The following COMMD10 variants were observed in gnomAD, a reference collection of about 807,000 sequenced individuals.
COMMD10 encodes COMM domain containing 10, also known as COMM domain-containing protein 10.
A neutral mutation model predicts 28.9 loss-of-function variants in COMMD10; 33 were observed. The observed-to-expected ratio is 1.14, with a 90% CI of 0.87 to 1.53. The LOEUF (loss-of-function observed/expected upper bound fraction) is 1.53, where lower values mean the gene tolerates loss of function less well. COMMD10 is among the 40% of genes most tolerant of loss of function. COMMD10 has a pLI of 0.00. For synonymous variants in COMMD10, 110 were observed against 81.7 expected, an observed-to-expected ratio of 1.35 and a Z score of -1.87; for missense variants, 310 against 233.4, an observed-to-expected ratio of 1.33 and a Z score of -2.14.
At chr5:116,288,150 C>T (rs1751268953) in intron 5 of COMMD10, among the ~76,000 whole-genome samples, 1 of 151,704 alleles carries the variant, frequency 6.6e-6, no homozygotes, top group African/African-American at 2.4e-5. Context: ...TTTTCTTTAT[C>T]TGGGAAAATG....
intron 4 of COMMD10, among the ~76,000 whole-genome samples, chr5:116,097,258 A>G (rs1750499014): frequency 6.6e-6 from 1 of 152,208 alleles, no homozygotes; most frequent in South Asian, 2.1e-4. Context: ...ATATCATAGG[A>G]TTGCTAATAT....
At chr5:116,158,681 T>C (rs968299580) in intron 5 of COMMD10, among the ~76,000 whole-genome samples, 3 of 152,016 alleles carry the variant, frequency 2.0e-5, no homozygotes, top group African/African-American at 7.2e-5. Context: ...TTATGTTTTC[T>C]TAAGTGTTTT....
At chr5:116,246,538 T>C (rs1749956111) in intron 5 of COMMD10, among the ~76,000 whole-genome samples, 1 of 151,780 alleles carries the variant, frequency 6.6e-6, no homozygotes, top group African/African-American at 2.4e-5. Context: ...CAAAGCAATT[T>C]TAAGCAAAAA....
intron 5 of COMMD10, 113 bp downstream of exon 5, chr5:116,134,291 C>G (rs1489672769): frequency 1.6e-6 from 1 of 619,400 alleles, no homozygotes; most frequent in Non-Finnish European, 2.9e-6. Context: ...TTCAGTTAAA[C>G]AGTTATTAAT....
chr5:116,213,783 A>ATG lies in COMMD10; in HGVS notation c.511-77731_511-77730dup, dbSNP rs773224223. Among the ~76,000 whole-genome samples, 41 of 152,066 alleles carry ATG rather than the reference A, an allele frequency of 2.7e-4. 1 individual carries two copies. The highest frequency in any genetic ancestry group is 4.6e-4 in the Non-Finnish European group (31 of 67,948). ...CATAATACAGTGTTATTTCTTCTTT[A>ATG]TGTGATTCGTATTTTAGTACAAATA... is the stretch of plus-strand genomic sequence containing the variant. On this transcript the variant is annotated intron_variant, in intron 5 of 6. Coordinates refer to ENST00000274458, the MANE Select transcript of COMMD10 (RefSeq NM_016144.4).
chr5:116,192,095 G>A (rs896508143), intron 5 of COMMD10, among the ~76,000 whole-genome samples: 2 of 152,038 alleles, frequency 1.3e-5, no homozygotes, highest in African/African-American at 2.4e-5. Flanking sequence ...AGGAAGCCAC[G>A]TCCATAGGAA....
intron 5 of COMMD10, among the ~76,000 whole-genome samples, chr5:116,230,377 C>T (rs1419742081): frequency 1.3e-5 from 2 of 152,046 alleles, no homozygotes; most frequent in Non-Finnish European, 2.9e-5. Flanking sequence ...TCTTGAACAT[C>T]TCATGACATA....
At chr5:116,170,319 C>T (rs1753280047) in intron 5 of COMMD10, among the ~76,000 whole-genome samples, 1 of 152,148 alleles carries the variant, frequency 6.6e-6, no homozygotes, top group South Asian at 2.1e-4. Context: ...CTGCAAACAA[C>T]TTCTCAAGGA....
At chr5:116,093,785 G>A (rs1190693062) in intron 4 of COMMD10, among the ~76,000 whole-genome samples, 1 of 152,156 alleles carries the variant, frequency 6.6e-6, no homozygotes, top group Non-Finnish European at 1.5e-5. Flanking sequence ...GTATTACAAG[G>A]CTATAGTAAC....
intron 5 of COMMD10, among the ~76,000 whole-genome samples, chr5:116,143,482 G>A (rs935514160): frequency 2.6e-5 from 4 of 151,700 alleles, no homozygotes; most frequent in Non-Finnish European, 5.9e-5. Flanking sequence ...TAAAAATTTT[G>A]TGGGATTCCA....
chr5:116,257,061 T>A (rs4920910), intron 5 of COMMD10, among the ~76,000 whole-genome samples: 55,930 of 151,546 alleles, frequency 0.37, 13,022 homozygotes, highest in African/African-American at 0.66. Flanking sequence ...GTTACTCTAC[T>A]CTGTATTTTA....
At chr5:116,113,546 G>GAA (rs1751131362) in intron 4 of COMMD10, among the ~76,000 whole-genome samples, 1 of 151,670 alleles carries the variant, frequency 6.6e-6, no homozygotes, top group Non-Finnish European at 1.5e-5. Context: ...CTGTCTTCAT[G>GAA]TTCTGAAATC....
rs6896405 is a variant in COMMD10 at position 116,251,442 on chromosome 5, T to G, written c.511-40075T>G. ...TATCTCCCAATGCTATCCCTCCCCC[T>G]TCCCCCCACCACACAACAGTCCCCA... is the stretch of plus-strand genomic sequence containing the variant. On this transcript the variant is annotated intron_variant, in intron 5 of 6. Coordinates refer to ENST00000274458, the MANE Select transcript of COMMD10 (RefSeq NM_016144.4). Among the ~76,000 whole-genome samples, 3 of 109,040 alleles carry G rather than the reference T, an allele frequency of 2.8e-5. 1 individual carries two copies. The highest frequency in any genetic ancestry group is 1.0e-4 in the African/African-American group (3 of 28,982). 71.5% of individuals were successfully genotyped at this position (109,040 alleles called of 152,430 possible).
intron 5 of COMMD10, among the ~76,000 whole-genome samples, chr5:116,270,643 A>C (rs1750728974): frequency 6.6e-6 from 1 of 151,846 alleles, no homozygotes; most frequent in Non-Finnish European, 1.5e-5. Context: ...TATAAAGGTT[A>C]TATATAAATT....
chr5:116,246,621 G>A (rs1174931568), intron 5 of COMMD10, among the ~76,000 whole-genome samples: 3 of 152,036 alleles, frequency 2.0e-5, no homozygotes, highest in Non-Finnish European at 4.4e-5. Context: ...AAACAGCATG[G>A]TATTAGTACA....
chr5:116,282,305 C>T (rs1751091680), intron 5 of COMMD10, among the ~76,000 whole-genome samples: 1 of 151,918 alleles, frequency 6.6e-6, no homozygotes, highest in South Asian at 2.1e-4. Context: ...GTCATTGCTG[C>T]CATCACATTT....
chr5:116,094,779 A>G (rs954756538), intron 4 of COMMD10, among the ~76,000 whole-genome samples: 19 of 152,336 alleles, frequency 1.2e-4, no homozygotes, highest in African/African-American at 4.3e-4. Context: ...CTAAGTGTCC[A>G]TTAGTGGATG....
At chr5:116,153,169 C>CCTATGTAAGATGG (rs1752592487) in intron 5 of COMMD10, among the ~76,000 whole-genome samples, 1 of 152,030 alleles carries the variant, frequency 6.6e-6, no homozygotes, top group African/African-American at 2.4e-5. Context: ...TGGAGATGGA[C>CCTATGTAAGATGG]AGATCTTACA....
intron 5 of COMMD10, among the ~76,000 whole-genome samples, chr5:116,225,295 A>C (rs571729725): frequency 9.0e-5 from 12 of 133,850 alleles, no homozygotes; most frequent in Admixed American, 1.5e-4. Flanking sequence ...AGTCATTTGT[A>C]TTGAGTGTAT....
Sources: allele counts gnomAD v4.1 joint callset (sites outside exome capture counted in the v4.1 genomes callset), GRCh38; gene constraint gnomAD v4.1.1; transcripts MANE v1.5; gene names NCBI Gene and HGNC (gene_info 2026-07-23, HGNC 2026-07-21).